The following GPC5 variants were observed in gnomAD, a reference collection of about 807,000 sequenced individuals.
The protein encoded by GPC5 is glypican 5.
A neutral mutation model predicts 53.9 loss-of-function variants in GPC5; 47 were observed. The ratio of observed to expected loss-of-function variants is 0.87; its 90% confidence interval spans 0.69 to 1.11. The LOEUF is 1.11. Ranked by LOEUF, GPC5 falls within the 50% of genes most tolerant of loss-of-function variation. The pLI is 0.00. For missense variants in GPC5, 748 were observed against 713.1 expected, an observed-to-expected ratio of 1.05 and a Z score of -0.56; for synonymous variants, 286 against 263.3, an observed-to-expected ratio of 1.09 and a Z score of -0.84.
chr13:91,718,693 C>T (rs1253461831), intron 3 of GPC5, among the ~76,000 whole-genome samples: 1 of 152,152 alleles, frequency 6.6e-6, no homozygotes, highest in Non-Finnish European at 1.5e-5. Flanking sequence ...TGGAATTCTA[C>T]CCCCATCTGC....
At chr13:92,795,475 CA>C (rs1876639116) in intron 7 of GPC5, among the ~76,000 whole-genome samples, 2 of 152,108 alleles carry the variant, frequency 1.3e-5, no homozygotes, top group African/African-American at 4.8e-5. Context: ...TAGGCATGTG[CA>C]AACACTTCTT....
chr13:92,182,906 C>T (rs938068381), intron 7 of GPC5, among the ~76,000 whole-genome samples: 27 of 151,898 alleles, frequency 1.8e-4, no homozygotes, highest in African/African-American at 6.5e-4. Flanking sequence ...CATTTTAACA[C>T]CTACCCTTGA....
At chr13:92,764,447 C>T (rs1178838044) in intron 7 of GPC5, among the ~76,000 whole-genome samples, 1 of 152,190 alleles carries the variant, frequency 6.6e-6, no homozygotes, top group Non-Finnish European at 1.5e-5. Context: ...AGGAACACAG[C>T]CATATGGACT....
chr13:91,840,635 T>C (rs551539605), intron 5 of GPC5, among the ~76,000 whole-genome samples: 1 of 152,100 alleles, frequency 6.6e-6, no homozygotes, highest in East Asian at 1.9e-4. Flanking sequence ...TGTAATTTCA[T>C]ACTTACAATG....
intron 7 of GPC5, among the ~76,000 whole-genome samples, chr13:92,395,887 A>G (rs1594165645): frequency 7.0e-6 from 1 of 142,430 alleles, no homozygotes; most frequent in Non-Finnish European, 1.5e-5. Flanking sequence ...TGAATATCAT[A>G]TGTGTAGGTG....
intron 6 of GPC5, among the ~76,000 whole-genome samples, chr13:92,129,801 GAA>G (rs2041728671): frequency 6.6e-6 from 1 of 152,050 alleles, no homozygotes; most frequent in Non-Finnish European, 1.5e-5. Context: ...TGATGAGATT[GAA>G]TAAAGCAGAA....
At chr13:92,190,889 G>T (rs1208954531) in intron 7 of GPC5, among the ~76,000 whole-genome samples, 1 of 151,976 alleles carries the variant, frequency 6.6e-6, no homozygotes. Flanking sequence ...CCTTAAACCT[G>T]AAAGTTCTAA....
intron 7 of GPC5, chr13:92,490,197 G>A (rs1354268762): frequency 6.5e-6 from 1 of 154,184 alleles, no homozygotes; most frequent in Non-Finnish European, 1.5e-5. Flanking sequence ...TGCTTTTAAT[G>A]GTAAAACCCA....
chr13:91,709,966 T>G (rs530393083), intron 3 of GPC5, among the ~76,000 whole-genome samples: 2 of 152,316 alleles, frequency 1.3e-5, no homozygotes, highest in African/African-American at 4.8e-5. Flanking sequence ...GATACCACCC[T>G]TGTCACATAT....
chr13:92,616,678 A>G (rs532642845), intron 7 of GPC5, among the ~76,000 whole-genome samples: 1 of 152,346 alleles, frequency 6.6e-6, no homozygotes, highest in South Asian at 2.1e-4. Flanking sequence ...ACAATATTTT[A>G]TTGCTCAAAT....
chr13:92,618,690 A>G (rs1443625971), intron 7 of GPC5, among the ~76,000 whole-genome samples: 3 of 138,378 alleles, frequency 2.2e-5, no homozygotes, highest in African/African-American at 9.0e-5. Flanking sequence ...AAAATGTTAA[A>G]AAAAAAAAAA....
intron 1 of GPC5, among the ~76,000 whole-genome samples, chr13:91,428,330 C>T (rs1242441726): frequency 6.6e-6 from 1 of 152,142 alleles, no homozygotes; most frequent in African/African-American, 2.4e-5. Flanking sequence ...GGGTTGCTGG[C>T]TGCAAGGTTG....
At chr13:92,772,546 T>C (rs1875651437) in intron 7 of GPC5, among the ~76,000 whole-genome samples, 1 of 152,174 alleles carries the variant, frequency 6.6e-6, no homozygotes, top group African/African-American at 2.4e-5. Context: ...TGACTTTCTA[T>C]CCCATTTTAG....
chr13:91,533,368 T>A (rs939653256), intron 2 of GPC5, among the ~76,000 whole-genome samples: 4 of 152,246 alleles, frequency 2.6e-5, no homozygotes, highest in African/African-American at 9.6e-5. Flanking sequence ...CATTAACAAC[T>A]CTATTTTTTT....
At chr13:92,479,148 T>C (rs957823703) in intron 7 of GPC5, among the ~76,000 whole-genome samples, 7 of 152,172 alleles carry the variant, frequency 4.6e-5, no homozygotes, top group African/African-American at 1.7e-4. Flanking sequence ...GTCCTATTTA[T>C]AGAGATACTG....
At chr13:92,090,601 A>G (rs1480196956) in intron 6 of GPC5, among the ~76,000 whole-genome samples, 2 of 152,122 alleles carry the variant, frequency 1.3e-5, no homozygotes, top group Non-Finnish European at 2.9e-5. Context: ...AATTTATGAT[A>G]TTTTGTTAAA....
At position 91,553,670 on chromosome 13, in the gene GPC5, A is replaced by G. The variant is rs141717940; in HGVS notation, c.325+104748A>G. Among the ~76,000 whole-genome samples, 536 of 152,212 alleles carry G rather than the reference A, an allele frequency of 3.5e-3. 4 individuals carry two copies. The highest frequency in any genetic ancestry group is 0.012 in the African/African-American group (515 of 41,554). Reference sequence around the variant, plus strand: ...CTTGCAAATCACTTTACAAGTTCCAAAGTGAAATAAATATTTTTACATATT... The same window carrying G: ...CTTGCAAATCACTTTACAAGTTCCAGAGTGAAATAAATATTTTTACATATT... On this transcript the variant is annotated intron_variant, in intron 2 of 7. Transcript: ENST00000377067.
At chr13:92,677,604 A>G (rs1238707386) in intron 7 of GPC5, among the ~76,000 whole-genome samples, 3 of 152,190 alleles carry the variant, frequency 2.0e-5, no homozygotes, top group Non-Finnish European at 2.9e-5. Flanking sequence ...TTAGAGACTG[A>G]AGCTCCATAT....
chr13:92,579,417 C>T (rs1476969956), intron 7 of GPC5, among the ~76,000 whole-genome samples: 1 of 150,416 alleles, frequency 6.6e-6, no homozygotes, highest in East Asian at 2.0e-4. Flanking sequence ...GGGGCAAATA[C>T]ATGCTGCTTG....
Sources: gnomAD v4.1 joint callset for allele counts (sites outside exome capture counted in the v4.1 genomes callset) on GRCh38, gnomAD v4.1.1 for gene constraint, MANE v1.5 for transcripts, NCBI Gene and HGNC (gene_info 2026-07-23, HGNC 2026-07-21) for gene names.